B3GALT1: variants seen among roughly 807,000 people sequenced by gnomAD.
B3GALT1 encodes UDP-Gal:betaGlcNAc beta 1,3-galactosyltransferase, polypeptide 1.
Under a neutral mutation model 23.2 loss-of-function variants are expected in B3GALT1, and 10 were observed. That is an observed-to-expected ratio of 0.43 (90% CI 0.27 to 0.73). B3GALT1 has a LOEUF of 0.73. Among genes scored for constraint, B3GALT1 ranks in the 30% least tolerant of loss-of-function variants. B3GALT1 has a pLI of 0.21. For missense variants in B3GALT1, 299 were observed against 405.4 expected (o/e 0.74, Z 2.25); for synonymous variants, 156 against 141.5 (o/e 1.10, Z -0.73).
In B3GALT1 at chr2:167,393,910, A is replaced by T. The variant is rs376407279; in HGVS notation, c.-510-96267A>T. ...ATATTGTCTTTCATCATTATATTTA[A>T]ATATAACAATTTAATTTTTACAATG... On this transcript the variant is annotated intron_variant, in intron 1 of 4. Coordinates refer to ENST00000392690, the MANE Select transcript of B3GALT1 (RefSeq NM_020981.4). 4.6e-5 allele frequency among the ~76,000 whole-genome samples: 7 copies of T among 152,324 alleles called. No individual in the cohort carries two copies. The East Asian group carries it at 9.6e-4, about 21-fold the overall frequency.
chr2:167,762,580 TA>T lies in B3GALT1; in HGVS notation c.-351-56076del, dbSNP rs11439436. 7.2e-3 allele frequency among the ~76,000 whole-genome samples: 785 copies of T among 108,942 alleles called. 1 individual carries two copies. Among genetic ancestry groups the T allele is most frequent in the African/African-American group, 0.017 (470 of 27,528 alleles). 71.5% of individuals were successfully genotyped at this position (108,942 alleles called of 152,430 possible). On this transcript the variant is annotated intron_variant, in intron 3 of 4. Transcript: ENST00000392690. Reference sequence around the variant, plus strand: ...ATACAAAGGAAGTCTGGACCAAAAATAAAAAAAAAAAAAAAACACTAATGAA... The same window carrying T: ...ATACAAAGGAAGTCTGGACCAAAAATAAAAAAAAAAAAAAACACTAATGAA...
intron 1 of B3GALT1, among the ~76,000 whole-genome samples, chr2:167,366,094 G>A (rs779467261): frequency 2.0e-5 from 3 of 152,172 alleles, no homozygotes; most frequent in Non-Finnish European, 2.9e-5. Context: ...ATATTTGAGA[G>A]ACTAATAATT....
chr2:167,804,826 C>A (rs979663484), intron 3 of B3GALT1, among the ~76,000 whole-genome samples: 21 of 152,064 alleles, frequency 1.4e-4, no homozygotes, highest in Admixed American at 3.3e-4. Flanking sequence ...ATTTATAATC[C>A]TTTGGGTATA....
chr2:167,639,329 T>C (rs1685613495), intron 2 of B3GALT1, among the ~76,000 whole-genome samples: 1 of 152,048 alleles, frequency 6.6e-6, no homozygotes, highest in Admixed American at 6.6e-5. Flanking sequence ...GTCTGATACC[T>C]GGTTTGCCTG....
intron 1 of B3GALT1, among the ~76,000 whole-genome samples, chr2:167,368,957 G>T (rs1384185562): frequency 1.3e-5 from 2 of 151,796 alleles, no homozygotes; most frequent in African/African-American, 2.4e-5. Flanking sequence ...TTAAAGTAAA[G>T]AATTCAGTGG....
intron 3 of B3GALT1, among the ~76,000 whole-genome samples, chr2:167,781,535 G>C (rs1688244594): frequency 6.6e-6 from 1 of 152,184 alleles, no homozygotes; most frequent in African/African-American, 2.4e-5. Flanking sequence ...AACCAAAGAG[G>C]AAGATGAAGA....
At chr2:167,437,794 T>C (rs1698811273) in intron 1 of B3GALT1, among the ~76,000 whole-genome samples, 1 of 152,192 alleles carries the variant, frequency 6.6e-6, no homozygotes, top group South Asian at 2.1e-4. Context: ...AAGACTGTCT[T>C]GTGTTGCCTT....
At chr2:167,803,081 AACACACACACACACAC>A (rs71940853) in intron 3 of B3GALT1, among the ~76,000 whole-genome samples, 12,820 of 141,478 alleles carry the variant, frequency 0.091, 690 homozygotes, top group Middle Eastern at 0.21. Flanking sequence ...GACCCTAACA[AACACACACACACACAC>A]ACACACACAC....
intron 1 of B3GALT1, among the ~76,000 whole-genome samples, chr2:167,452,178 C>T (rs1042637935): frequency 2.6e-5 from 4 of 152,134 alleles, no homozygotes; most frequent in African/African-American, 9.7e-5. Context: ...GCTGTGTCTG[C>T]ACTCCTGATT....
chr2:167,851,011 A>C (rs1689874140), intron 4 of B3GALT1, among the ~76,000 whole-genome samples: 1 of 152,044 alleles, frequency 6.6e-6, no homozygotes, highest in Non-Finnish European at 1.5e-5. Context: ...TATAAGATAC[A>C]AAAAAAGCAA....
At chr2:167,415,125 A>G (rs981944281) in intron 1 of B3GALT1, among the ~76,000 whole-genome samples, 2 of 152,196 alleles carry the variant, frequency 1.3e-5, no homozygotes, top group African/African-American at 4.8e-5. Flanking sequence ...TCCAAAACTC[A>G]TGTTGAAACT....
intron 2 of B3GALT1, among the ~76,000 whole-genome samples, chr2:167,629,087 G>A (rs1055598409): frequency 1.3e-5 from 2 of 151,608 alleles, no homozygotes; most frequent in Non-Finnish European, 3.0e-5. Context: ...GCCAACAGAG[G>A]ACGGATTGGA....
chr2:167,451,051 G>A (rs1399417020), intron 1 of B3GALT1, among the ~76,000 whole-genome samples: 2 of 151,832 alleles, frequency 1.3e-5, no homozygotes, highest in East Asian at 3.9e-4. Context: ...AGTTGTGATT[G>A]TTTTTATTTA....
chr2:167,714,958 T>A, intron 3 of B3GALT1: 1 of 1,611,642 alleles, frequency 6.2e-7, no homozygotes, highest in Non-Finnish European at 8.5e-7. Context: ...TTTCAAAATA[T>A]ATGTTTTCTG....
chr2:167,701,965 G>T (rs1022691359), intron 3 of B3GALT1, among the ~76,000 whole-genome samples: 1 of 152,140 alleles, frequency 6.6e-6, no homozygotes, highest in Non-Finnish European at 1.5e-5. Context: ...AAAATTTGGC[G>T]TGTCAGCTAC....
At chr2:167,788,262 G>A (rs1688375312) in intron 3 of B3GALT1, among the ~76,000 whole-genome samples, 1 of 146,416 alleles carries the variant, frequency 6.8e-6, no homozygotes, top group South Asian at 2.3e-4. Context: ...TTTTTCCACA[G>A]TCCGGAAGTG....
intron 1 of B3GALT1, among the ~76,000 whole-genome samples, chr2:167,454,020 A>G (rs939335681): frequency 2.0e-5 from 3 of 152,020 alleles, no homozygotes; most frequent in Admixed American, 6.5e-5. Flanking sequence ...CATCAGAGAC[A>G]TATTTAAAGC....
At chr2:167,690,750 A>G (rs1031777147) in intron 3 of B3GALT1, among the ~76,000 whole-genome samples, 1 of 152,144 alleles carries the variant, frequency 6.6e-6, no homozygotes, top group African/African-American at 2.4e-5. Context: ...TAGTTTCATC[A>G]CTATTCAATG....
intron 2 of B3GALT1, among the ~76,000 whole-genome samples, chr2:167,606,258 G>T (rs1079438): frequency 0.81 from 123,120 of 152,108 alleles, 49,915 homozygotes; most frequent in Admixed American, 0.88. Context: ...TCTGGCCTGA[G>T]CAAATATACT....
Sources: gnomAD v4.1 joint callset for allele counts (sites outside exome capture counted in the v4.1 genomes callset) on GRCh38, gnomAD v4.1.1 for gene constraint, MANE v1.5 for transcripts, NCBI Gene and HGNC (gene_info 2026-07-23, HGNC 2026-07-21) for gene names.